KIN: variants seen among roughly 807,000 people sequenced by gnomAD.
The protein encoded by KIN is DNA/RNA-binding protein KIN17.
In KIN, 47 loss-of-function variants were observed where a neutral mutation model predicts 63.0. The observed-to-expected ratio is 0.75, with a 90% confidence interval of 0.59 to 0.95. KIN has a LOEUF of 0.95. KIN is among the 40% of genes least tolerant of loss of function. The probability of loss-of-function intolerance (pLI) is 0.00; values close to 1 mark genes in which losing one functional copy is unlikely to be tolerated. For missense variants in KIN, 408 were observed against 460.9 expected (o/e 0.89, Z 1.05); for synonymous variants, 160 against 157.7 (o/e 1.01, Z -0.11).
intron 9 of KIN, among the ~76,000 whole-genome samples, chr10:7,765,644 T>C (rs188267019): frequency 6.6e-6 from 1 of 152,214 alleles, no homozygotes; most frequent in African/African-American, 2.4e-5. Context: ...CCTGCTTTTC[T>C]CCACAATGTA....
rs1231802319 is a variant in KIN, at chr10:7,785,061, G to GC, written c.115-1887dup. 7.3e-5 allele frequency among the ~76,000 whole-genome samples: 11 copies of GC among 151,300 alleles called. No homozygotes were observed. The East Asian group carries it at 2.0e-3, about 27-fold the overall frequency. On this transcript the variant is annotated intron_variant, in intron 1 of 12. Coordinates refer to ENST00000379562, the MANE Select transcript of KIN (RefSeq NM_012311.4). ...GTTCAGGAGTTTGAGACCAGCCTGGGCAACATGGGGAGACCCTATCTCTAT... is the reference window on the plus strand; with the variant it reads ...GTTCAGGAGTTTGAGACCAGCCTGGGCCAACATGGGGAGACCCTATCTCTAT...
intron 6 of KIN, 35 bp downstream of exon 6, chr10:7,775,716 T>C (rs374599533): frequency 2.2e-5 from 26 of 1,185,332 alleles, no homozygotes; most frequent in Non-Finnish European, 2.6e-5. Context: ...AAAGCATCTA[T>C]GTTTAAAAAA....
At chr10:7,757,931 G>A (rs1835363597) in intron 12 of KIN, among the ~76,000 whole-genome samples, 1 of 150,892 alleles carries the variant, frequency 6.6e-6, no homozygotes, top group African/African-American at 2.4e-5. Context: ...TATTATCAAC[G>A]ACATGAAAAC....
Position 7,751,520 on chromosome 10 carries a change from C to G in KIN, c.*4560G>C, listed in dbSNP as rs911399378. 4 of 151,826 alleles carry G rather than the reference C, an allele frequency of 2.6e-5. No individual in the cohort carries two copies. Among genetic ancestry groups the G allele is most frequent in the Non-Finnish European group, 4.4e-5 (3 of 67,962 alleles). 9.4% of individuals were successfully genotyped at this position (151,826 alleles called of 1,614,324 possible). On this transcript the variant is annotated 3_prime_UTR_variant, in exon 13 of 13. Coordinates refer to ENST00000379562, the MANE Select transcript of KIN (RefSeq NM_012311.4). ...TGGAGGCCAGGAGTTCAAGACCAGC[C>G]TAAGCAACACAGTGAGACTCCCATC...
At chr10:7,772,534 T>G (rs1294852825) in intron 7 of KIN, among the ~76,000 whole-genome samples, 1 of 152,188 alleles carries the variant, frequency 6.6e-6, no homozygotes, top group African/African-American at 2.4e-5. Context: ...TAGCCTAAAA[T>G]GTCCACTTTG....
In KIN at chr10:7,780,101, G is replaced by C. The variant is rs1243323638; in HGVS notation, c.331C>G (p.Gln111Glu). ...HREHIHMNAT[Q>E]WETLTDFTKW... ...GTAAAATCAGTCAGAGTTTCCCACT[G>C]AGTGGCATTCATGTGGATGTGCTCT... is the stretch of plus-strand genomic sequence containing the variant. Residue 111 changes from glutamine (Q) to glutamate (E), a missense_variant, in exon 4 of 13, where the codon CAG becomes GAG. By Grantham distance (29) the Gln-to-Glu change is conservative. Coordinates refer to ENST00000379562, the MANE Select transcript of KIN (RefSeq NM_012311.4). The C allele has an allele frequency of 6.2e-7, 1 of 1,613,264 alleles. No individual in the cohort carries two copies. Among genetic ancestry groups the C allele is most frequent in the East Asian group, 2.2e-5 (1 of 44,826 alleles).
At chr10:7,773,309 C>T (rs1175582979) in intron 7 of KIN, among the ~76,000 whole-genome samples, 1 of 152,174 alleles carries the variant, frequency 6.6e-6, no homozygotes, top group Non-Finnish European at 1.5e-5. Flanking sequence ...TAATCTGTTA[C>T]AGCGACCATA....
chr10:7,774,188 AC>A (rs555639829), intron 7 of KIN, among the ~76,000 whole-genome samples: 97 of 152,250 alleles, frequency 6.4e-4, no homozygotes, highest in African/African-American at 2.2e-3. Context: ...AAGTTTGCTG[AC>A]CCCTGCCCTG....
At chr10:7,770,368 C>T (rs1020222838) in intron 7 of KIN, among the ~76,000 whole-genome samples, 3 of 152,202 alleles carry the variant, frequency 2.0e-5, no homozygotes, top group Non-Finnish European at 4.4e-5. Flanking sequence ...GAGCCATGCC[C>T]TATGCTTTCA....
chr10:7,773,451 T>C (rs992349172), intron 7 of KIN, among the ~76,000 whole-genome samples: 1 of 152,220 alleles, frequency 6.6e-6, no homozygotes, highest in African/African-American at 2.4e-5. Context: ...AAGGCATGTG[T>C]GTTATATTTG....
At chr10:7,784,702 A>G (rs1030203835) in intron 1 of KIN, among the ~76,000 whole-genome samples, 2 of 152,344 alleles carry the variant, frequency 1.3e-5, no homozygotes, top group East Asian at 3.9e-4. Flanking sequence ...TTAGAAAAAT[A>G]ACCTCTTTGC....
intron 1 of KIN, among the ~76,000 whole-genome samples, chr10:7,787,573 G>A (rs1026861495): frequency 1.1e-4 from 17 of 152,194 alleles, no homozygotes; most frequent in Admixed American, 1.1e-3. Flanking sequence ...TCATTTCTTT[G>A]GTGGTGGGGA....
chr10:7,759,337 C>T (rs1043255787), intron 12 of KIN, among the ~76,000 whole-genome samples: 3 of 152,114 alleles, frequency 2.0e-5, no homozygotes, highest in African/African-American at 7.2e-5. Flanking sequence ...CAATAACCAA[C>T]TTTATTTATA....
At chr10:7,771,338 T>C (rs1455874985) in intron 7 of KIN, among the ~76,000 whole-genome samples, 1 of 152,202 alleles carries the variant, frequency 6.6e-6, no homozygotes, top group Non-Finnish European at 1.5e-5. Flanking sequence ...CCTCGTCTCA[T>C]GTTCACAAAC....
rs1231373555 is a variant in KIN, at chr10:7,750,990, A to G, written c.*5090T>C. 6.6e-6 allele frequency: 1 copy of G among 152,176 alleles called. No homozygotes were observed. The highest frequency in any genetic ancestry group is 2.4e-5 in the African/African-American group (1 of 41,426). The allele number at this position is 152,176 out of a possible 1,614,324, so 9.4% of individuals were successfully genotyped here. A position where few individuals can be genotyped will look rare whatever the true frequency, so the allele number is the denominator to read the frequency against. ...CATGCTAAATCTTAGACTTTATTTC[A>G]AAATAAAGTAGTAAATTATGTTCTA... On this transcript the variant is annotated 3_prime_UTR_variant, in exon 13 of 13. Transcript: ENST00000379562.
chr10:7,782,963 A>G (rs1029521794), intron 2 of KIN, 118 bp downstream of exon 2: 13 of 449,588 alleles, frequency 2.9e-5, no homozygotes, highest in Admixed American at 2.5e-4. Flanking sequence ...CTGAGCATAG[A>G]GAGAATACAG....
intron 2 of KIN, among the ~76,000 whole-genome samples, chr10:7,781,842 A>C (rs1399169779): frequency 2.0e-5 from 3 of 151,400 alleles, no homozygotes; most frequent in Non-Finnish European, 2.9e-5. Context: ...GGATCACCTG[A>C]GGTCAGGAGT....
Position 7,778,897 on chromosome 10 carries a change from C to T in KIN, c.499G>A (p.Glu167Lys). ...KKKKQDLDDE[E>K]KTAKFIEEQV... ...TCTTCAATAAATTTGGCAGTTTTTT[C>T]TTCATCATCAAGGTCCTGCTTTTTC... Residue 167 changes from glutamate to lysine, a missense_variant, in exon 5 of 13, where the codon GAA becomes AAA. Glu to Lys is a moderately conservative substitution (Grantham distance 56). Around this residue, in one of 2 missense-constraint regions of KIN, gnomAD observed 298 missense variants for 296.0 expected, o/e 1.01. Transcript: ENST00000379562. 6.2e-7 allele frequency: 1 copy of T among 1,613,976 alleles called. No individual in the cohort carries two copies. Among genetic ancestry groups the T allele is most frequent in the East Asian group, 2.2e-5 (1 of 44,874 alleles).
chr10:7,769,236 C>A lies in KIN; in HGVS notation c.778G>T (p.Ala260Ser), dbSNP rs1330958934. Residue 260 changes from alanine (A) to serine (S), a missense_variant, in exon 8 of 13, where the codon GCA becomes TCA. By Grantham distance (99) the Ala-to-Ser change is moderately conservative. This residue lies in a region of KIN where 298 missense variants were observed against 296.0 expected (regional missense o/e 1.01). Transcript: ENST00000379562. ...TGTACCTCCATGATTTCATCCAGTG[C>A]AGATTTCTTTTTCTTCTTTTCTTTA... ...QSKEKKKKKSALDEIMEIEEE... is the reference protein window; with the variant it reads ...QSKEKKKKKSSLDEIMEIEEE... 1 of 1,612,508 alleles carries A rather than the reference C, an allele frequency of 6.2e-7. No homozygotes were observed. Among genetic ancestry groups the A allele is most frequent in the Admixed American group, 1.7e-5 (1 of 59,788 alleles).
Sources: gnomAD v4.1 joint callset for allele counts (sites outside exome capture counted in the v4.1 genomes callset) on GRCh38, gnomAD v4.1.1 for gene constraint, gnomAD v4.1.1 regional missense constraint, MANE v1.5 for transcripts, NCBI Gene and HGNC (gene_info 2026-07-23, HGNC 2026-07-21) for gene names.